The following TRPM3 variants were observed in gnomAD, a reference collection of about 807,000 sequenced individuals.
TRPM3 encodes transient receptor potential cation channel subfamily M member 3.
Under a neutral mutation model 181.2 loss-of-function variants are expected in TRPM3, and 77 were observed. That is an observed-to-expected ratio of 0.42 (90% CI 0.35 to 0.51). The LOEUF (loss-of-function observed/expected upper bound fraction) is 0.51. Among genes scored for constraint, TRPM3 ranks in the 20% least tolerant of loss-of-function variants. The probability of loss-of-function intolerance (pLI) is 0.01; values close to 1 mark genes in which losing one functional copy is unlikely to be tolerated. For synonymous variants in TRPM3, 745 were observed against 796.4 expected, an observed-to-expected ratio of 0.94 and a Z score of 1.09; for missense variants, 1,759 against 2,196.7, an observed-to-expected ratio of 0.80 and a Z score of 3.98.
chr9:71,323,541 C>T (rs962266828), intron 1 of TRPM3, among the ~76,000 whole-genome samples: 1 of 152,024 alleles, frequency 6.6e-6, no homozygotes, highest in Non-Finnish European at 1.5e-5. Context: ...CCACCCAAAA[C>T]TGCTAAATGG....
intron 1 of TRPM3, among the ~76,000 whole-genome samples, chr9:71,027,133 G>T (rs986289262): frequency 6.6e-6 from 1 of 152,128 alleles, no homozygotes; most frequent in Non-Finnish European, 1.5e-5. Flanking sequence ...CTAACCTCAA[G>T]GAGCTAGATA....
chr9:71,031,978 ATATATATAT>A, intron 1 of TRPM3, among the ~76,000 whole-genome samples: 1 of 4,974 alleles, frequency 2.0e-4, no homozygotes, highest in African/African-American at 1.6e-3. Context: ...TATATTATAT[ATATATATAT>A]TATATATATA....
chr9:70,905,909 T>A (rs137985389), intron 1 of TRPM3, among the ~76,000 whole-genome samples: 1 of 152,132 alleles, frequency 6.6e-6, no homozygotes, highest in Non-Finnish European at 1.5e-5. Context: ...GGCTATTTTT[T>A]ACTTTTTTTG....
chr9:70,672,147 AC>A (rs1355091819), intron 9 of TRPM3, among the ~76,000 whole-genome samples: 1 of 152,044 alleles, frequency 6.6e-6, no homozygotes, highest in African/African-American at 2.4e-5. Context: ...TTCTTTGGGA[AC>A]CAAAAACCCT....
At chr9:70,914,290 A>G (rs543543056) in intron 1 of TRPM3, among the ~76,000 whole-genome samples, 4 of 151,766 alleles carry the variant, frequency 2.6e-5, no homozygotes, top group Non-Finnish European at 5.9e-5. Context: ...TTGGAAGCAG[A>G]GATTCCTCAC....
chr9:71,434,546 G>A (rs1026483581), intron 1 of TRPM3, among the ~76,000 whole-genome samples: 1 of 152,290 alleles, frequency 6.6e-6, no homozygotes, highest in African/African-American at 2.4e-5. Flanking sequence ...CTCTGTGACA[G>A]ATATTCTAGG....
chr9:71,178,424 G>C (rs2077223822), intron 1 of TRPM3, among the ~76,000 whole-genome samples: 2 of 152,012 alleles, frequency 1.3e-5, no homozygotes, highest in South Asian at 4.1e-4. Context: ...ACTTTTGTAA[G>C]ATCTCAGGCA....
intron 9 of TRPM3, among the ~76,000 whole-genome samples, chr9:70,663,358 C>A (rs1011839656): frequency 6.6e-6 from 1 of 151,992 alleles, no homozygotes; most frequent in African/African-American, 2.4e-5. Context: ...CCATGTTCAA[C>A]CCAAACCACC....
Position 70,619,107 on chromosome 9 carries a change from A to C in TRPM3, c.2130-12T>G. 2 of 1,608,762 alleles carry C rather than the reference A, an allele frequency of 1.2e-6. No homozygotes were observed. The highest frequency in any genetic ancestry group is 3.3e-4 in the Middle Eastern group (2 of 6,024). ...GCTGGCCAAAGTCTCTGAAAGACAG[A>C]ATGGGTGGAAGAGTCCTTCAGGTCA... On this transcript the variant is annotated splice_polypyrimidine_tract_variant and intron_variant, in intron 16 of 25. Coordinates refer to ENST00000677713, the MANE Select transcript of TRPM3 (RefSeq NM_001366145.2).
chr9:70,830,893 C>T (rs2093848711), intron 5 of TRPM3, among the ~76,000 whole-genome samples: 1 of 152,102 alleles, frequency 6.6e-6, no homozygotes, highest in Non-Finnish European at 1.5e-5. Flanking sequence ...CTCTATTTTA[C>T]CAACTATAAG....
chr9:71,325,462 GA>G (rs895226931), intron 1 of TRPM3, among the ~76,000 whole-genome samples: 21 of 150,898 alleles, frequency 1.4e-4, no homozygotes, highest in Admixed American at 2.6e-4. Context: ...TTTCACAGGT[GA>G]AAAAAAAATT....
At chr9:71,186,680 A>G (rs907320108) in intron 1 of TRPM3, among the ~76,000 whole-genome samples, 9 of 152,112 alleles carry the variant, frequency 5.9e-5, no homozygotes, top group African/African-American at 2.2e-4. Context: ...ACTAATTAGA[A>G]ATATATTAGA....
At chr9:71,092,569 TAAC>T (rs1282507671) in intron 1 of TRPM3, among the ~76,000 whole-genome samples, 2 of 152,122 alleles carry the variant, frequency 1.3e-5, no homozygotes, top group Non-Finnish European at 2.9e-5. Flanking sequence ...TTACCAACAA[TAAC>T]AATTAGATTT....
At chr9:70,649,845 A>G (rs2133766838) in intron 9 of TRPM3, among the ~76,000 whole-genome samples, 1 of 152,336 alleles carries the variant, frequency 6.6e-6, no homozygotes, top group Non-Finnish European at 1.5e-5. Context: ...TTTCTACCAT[A>G]AAGACACATG....
rs575176948 is a variant in TRPM3, at chr9:70,683,428, C to CTTTTTTTTTTTTTTTTTTTTTTTTTTTT, written c.1273-1878_1273-1851dup. On this transcript the variant is annotated intron_variant, in intron 8 of 25. Coordinates refer to ENST00000677713, the MANE Select transcript of TRPM3 (RefSeq NM_001366145.2). Reference sequence around the variant, plus strand: ...CCTTTTCTCTCTTTCTCTCTCTCTCCTTTTTTTTTTTTTTTTTTTTTTTTT... The same window carrying CTTTTTTTTTTTTTTTTTTTTTTTTTTTT: ...CCTTTTCTCTCTTTCTCTCTCTCTCCTTTTTTTTTTTTTTTTTTTTTTTTTTTTTTTTTTTTTTTTTTTTTTTTTTTTT... Among the ~76,000 whole-genome samples, 5 of 57,458 alleles carry CTTTTTTTTTTTTTTTTTTTTTTTTTTTT rather than the reference C, an allele frequency of 8.7e-5. 1 individual carries two copies. The highest frequency in any genetic ancestry group is 1.3e-4 in the Non-Finnish European group (4 of 30,790). 37.7% of individuals were successfully genotyped at this position (57,458 alleles called of 152,430 possible).
intron 1 of TRPM3, among the ~76,000 whole-genome samples, chr9:71,038,189 G>A (rs1171223890): frequency 1.3e-5 from 2 of 152,184 alleles, no homozygotes; most frequent in African/African-American, 4.8e-5. Context: ...GTGAAGAAGC[G>A]CATATTAGGC....
intron 22 of TRPM3, among the ~76,000 whole-genome samples, chr9:70,590,652 T>C (rs1057406774): frequency 1.1e-4 from 17 of 152,216 alleles, no homozygotes; most frequent in Non-Finnish European, 7.3e-5. Flanking sequence ...AAATTTATTT[T>C]CTAAAGGCTG....
chr9:71,103,210 A>G (rs2068731063), intron 1 of TRPM3, among the ~76,000 whole-genome samples: 1 of 152,204 alleles, frequency 6.6e-6, no homozygotes, highest in South Asian at 2.1e-4. Flanking sequence ...AAACACTTGT[A>G]TTATTTTTCT....
At chr9:71,267,617 C>A (rs1277642687) in intron 1 of TRPM3, among the ~76,000 whole-genome samples, 1 of 152,194 alleles carries the variant, frequency 6.6e-6, no homozygotes, top group Non-Finnish European at 1.5e-5. Flanking sequence ...CCACAGCCCA[C>A]CTCTCACTCT....
Sources: allele counts gnomAD v4.1 joint callset (sites outside exome capture counted in the v4.1 genomes callset), GRCh38; gene constraint gnomAD v4.1.1; transcripts MANE v1.5; gene names NCBI Gene and HGNC (gene_info 2026-07-23, HGNC 2026-07-21).